Variants in DDHD1 observed in about 807,000 individuals in gnomAD.
DDHD1 encodes DDHD domain containing 1, also known as phospholipase DDHD1.
A neutral mutation model predicts 96.4 loss-of-function variants in DDHD1; 49 were observed. The ratio of observed to expected loss-of-function variants is 0.51; its 90% CI spans 0.40 to 0.64. The LOEUF is 0.64. DDHD1 is among the 30% of genes least tolerant of loss of function. The pLI, the probability that DDHD1 is intolerant of heterozygous loss-of-function variation, is 0.00. For synonymous variants in DDHD1, 442 were observed against 446.5 expected (o/e 0.99, Z 0.13); for missense variants, 1,106 against 1,161.2 (o/e 0.95, Z 0.69).
chr14:53,072,450 T>C (rs1263402690), intron 6 of DDHD1, 147 bp downstream of exon 6: 1 of 426,224 alleles, frequency 2.3e-6, no homozygotes, highest in Admixed American at 3.9e-5. Context: ...TTGAAGACTA[T>C]CAAATTTATT....
At chr14:53,079,180 T>C (rs1885227065) in intron 4 of DDHD1, among the ~76,000 whole-genome samples, 1 of 152,206 alleles carries the variant, frequency 6.6e-6, no homozygotes, top group Non-Finnish European at 1.5e-5. Context: ...TATGATGCTT[T>C]CATTGGTTTT....
intron 6 of DDHD1, among the ~76,000 whole-genome samples, chr14:53,070,377 A>G (rs1233434381): frequency 6.6e-6 from 1 of 152,182 alleles, no homozygotes; most frequent in Non-Finnish European, 1.5e-5. Flanking sequence ...TGTAAGCATC[A>G]TCTGTCTCTT....
At chr14:53,054,233 T>C in intron 11 of DDHD1, 1 of 488,962 alleles carries the variant, frequency 2.0e-6, no homozygotes, top group Non-Finnish European at 3.6e-6. Context: ...TTCTATTAAT[T>C]CATCAATGCA....
chr14:53,081,641 C>A (rs183758602), intron 4 of DDHD1, among the ~76,000 whole-genome samples: 1 of 152,266 alleles, frequency 6.6e-6, no homozygotes, highest in Non-Finnish European at 1.5e-5. Flanking sequence ...AAAAAATTAT[C>A]CAGTCAAAAA....
At chr14:53,116,693 G>A (rs1033101421) in intron 1 of DDHD1, among the ~76,000 whole-genome samples, 5 of 152,246 alleles carry the variant, frequency 3.3e-5, no homozygotes, top group Non-Finnish European at 5.9e-5. Context: ...AAGAGACAAC[G>A]AGTGAGGATT....
rs555381185 is a variant in DDHD1 at position 53,082,242 on chromosome 14, T to C, written c.1290-8395A>G. Among the ~76,000 whole-genome samples the C allele has an allele frequency of 1.6e-4, 25 of 152,294 alleles. 1 individual carries two copies. The highest frequency in any genetic ancestry group is 5.5e-4 in the African/African-American group (23 of 41,568). On this transcript the variant is annotated intron_variant, in intron 4 of 12. Coordinates refer to ENST00000673822, the MANE Select transcript of DDHD1 (RefSeq NM_001160148.2). ...TACTTCATATTGTAAGAAGAGAAGA[T>C]AGAGATTAATAGCATTTAAGAATTA...
At chr14:53,100,844 C>G (rs1047247442) in intron 2 of DDHD1, among the ~76,000 whole-genome samples, 1 of 152,146 alleles carries the variant, frequency 6.6e-6, no homozygotes, top group Non-Finnish European at 1.5e-5. Flanking sequence ...AATTCCACTG[C>G]ATTGTGATTA....
intron 1 of DDHD1, among the ~76,000 whole-genome samples, chr14:53,145,777 T>C (rs1199724524): frequency 1.3e-5 from 2 of 152,342 alleles, no homozygotes; most frequent in Admixed American, 1.3e-4. Flanking sequence ...GGTCTTGGAA[T>C]ACAGAAGTAC....
At chr14:53,049,538 AG>A (rs900063436) in intron 12 of DDHD1, among the ~76,000 whole-genome samples, 1 of 152,010 alleles carries the variant, frequency 6.6e-6, no homozygotes, top group African/African-American at 2.4e-5. Flanking sequence ...TCTTGGCCAA[AG>A]TAGGCTCAAA....
chr14:53,104,152 T>A (rs1309942762), intron 1 of DDHD1, among the ~76,000 whole-genome samples: 1 of 152,166 alleles, frequency 6.6e-6, no homozygotes, highest in Non-Finnish European at 1.5e-5. Context: ...CAGACTGGTC[T>A]GACTGGTCTC....
At chr14:53,066,505 T>G (rs1259035158) in intron 6 of DDHD1, among the ~76,000 whole-genome samples, 1 of 152,188 alleles carries the variant, frequency 6.6e-6, no homozygotes, top group Non-Finnish European at 1.5e-5. Flanking sequence ...CTCTTTCAAA[T>G]GCCTCACAAA....
intron 9 of DDHD1, among the ~76,000 whole-genome samples, chr14:53,057,011 G>T (rs1020537465): frequency 1.3e-5 from 2 of 152,020 alleles, no homozygotes; most frequent in African/African-American, 4.8e-5. Context: ...ATCCTAGAAG[G>T]CAAAATATTA....
chr14:53,065,032 T>C (rs552139909), intron 6 of DDHD1, among the ~76,000 whole-genome samples: 143 of 152,198 alleles, frequency 9.4e-4, no homozygotes, highest in Non-Finnish European at 1.5e-3. Context: ...ATTAACAATA[T>C]ATACTGTGAT....
chr14:53,089,007 A>G (rs1886214435), intron 4 of DDHD1, among the ~76,000 whole-genome samples: 1 of 152,226 alleles, frequency 6.6e-6, no homozygotes, highest in Non-Finnish European at 1.5e-5. Flanking sequence ...AAAAATCACA[A>G]GCATTCTTAT....
chr14:53,109,086 C>T (rs1345198899), intron 1 of DDHD1, among the ~76,000 whole-genome samples: 2 of 152,096 alleles, frequency 1.3e-5, no homozygotes, highest in African/African-American at 4.8e-5. Flanking sequence ...GACGGTGTTA[C>T]GGTGGAGTTG....
chr14:53,068,382 A>C (rs935324171), intron 6 of DDHD1, among the ~76,000 whole-genome samples: 2 of 150,922 alleles, frequency 1.3e-5, no homozygotes, highest in African/African-American at 2.4e-5. Flanking sequence ...AGTAGCTAGG[A>C]CTACAGCCCA....
intron 6 of DDHD1, among the ~76,000 whole-genome samples, chr14:53,069,783 C>T (rs1461145002): frequency 2.0e-5 from 3 of 152,088 alleles, no homozygotes; most frequent in Admixed American, 6.6e-5. Context: ...TTTATTTTTG[C>T]TGTTATTTTT....
chr14:53,068,396 C>T (rs563237345), intron 6 of DDHD1, among the ~76,000 whole-genome samples: 37 of 152,000 alleles, frequency 2.4e-4, no homozygotes, highest in Non-Finnish European at 5.0e-4. Flanking sequence ...CAGCCCAAAC[C>T]ACCATACATG....
At chr14:53,076,911 T>C (rs949367154) in intron 4 of DDHD1, among the ~76,000 whole-genome samples, 1 of 152,224 alleles carries the variant, frequency 6.6e-6, no homozygotes, top group African/African-American at 2.4e-5. Flanking sequence ...CACATACTTG[T>C]TTACAGTGTC....
Sources: gnomAD v4.1 joint callset for allele counts (sites outside exome capture counted in the v4.1 genomes callset) on GRCh38, gnomAD v4.1.1 for gene constraint, MANE v1.5 for transcripts, NCBI Gene and HGNC (gene_info 2026-07-23, HGNC 2026-07-21) for gene names.